The following AGO2 variants were observed in gnomAD, a reference collection of about 807,000 sequenced individuals.
AGO2 encodes the protein protein argonaute-2.
A neutral mutation model predicts 102.3 loss-of-function variants in AGO2; 5 were observed. The ratio of observed to expected loss-of-function variants is 0.05; its 90% CI spans 0.03 to 0.10. The LOEUF (loss-of-function observed/expected upper bound fraction) is 0.10. Ranked by LOEUF, AGO2 falls within the 10% of genes least tolerant of loss-of-function variation. AGO2 has a pLI of 1.00. For synonymous variants in AGO2, 449 were observed against 473.1 expected, an observed-to-expected ratio of 0.95 and a Z score of 0.66; for missense variants, 541 against 1,183.7, an observed-to-expected ratio of 0.46 and a Z score of 7.97.
chr8:140,578,487 C>T (rs752715777), intron 2 of AGO2, among the ~76,000 whole-genome samples: 13 of 152,200 alleles, frequency 8.5e-5, no homozygotes, highest in Non-Finnish European at 1.8e-4. Context: ...ACCCTGCTCG[C>T]GGAGTCCCTG....
chr8:140,541,721 G>T (rs532629982), intron 14 of AGO2, among the ~76,000 whole-genome samples: 3 of 152,240 alleles, frequency 2.0e-5, no homozygotes, highest in African/African-American at 7.2e-5. Flanking sequence ...TGGCCAACAT[G>T]GTAAAACCCT....
intron 3 of AGO2, among the ~76,000 whole-genome samples, chr8:140,565,654 A>AG (rs2073272491): frequency 9.5e-6 from 1 of 105,354 alleles, no homozygotes; most frequent in Non-Finnish European, 2.1e-5. Flanking sequence ...AAAAAAAAAA[A>AG]GAAGAAGAAG....
upstream of AGO2, among the ~76,000 whole-genome samples, chr8:140,638,819 C>T (rs2074425417): frequency 6.6e-6 from 1 of 152,172 alleles, no homozygotes; most frequent in Non-Finnish European, 1.5e-5. Flanking sequence ...AAGTGATCCT[C>T]CCACCTTGGC....
At chr8:140,587,186 TG>T (rs1322866067) in intron 1 of AGO2, among the ~76,000 whole-genome samples, 2 of 152,190 alleles carry the variant, frequency 1.3e-5, no homozygotes, top group South Asian at 4.2e-4. Context: ...ACACCTGGCA[TG>T]GGAGGCGGGA....
chr8:140,553,608 C>T (rs575555380), intron 10 of AGO2, among the ~76,000 whole-genome samples: 1 of 151,814 alleles, frequency 6.6e-6, no homozygotes, highest in South Asian at 2.1e-4. Flanking sequence ...GGGATTTCTC[C>T]ATGTTGGTCA....
chr8:140,618,024 C>T (rs2074163803), intron 1 of AGO2, among the ~76,000 whole-genome samples: 1 of 150,916 alleles, frequency 6.6e-6, no homozygotes, highest in Non-Finnish European at 1.5e-5. Context: ...AAAAGTTGGG[C>T]CAGGCATGGT....
chr8:140,640,787 A>G, the AGO2 span, among the ~76,000 whole-genome samples: 38 of 151,966 alleles, frequency 2.5e-4, no homozygotes, highest in African/African-American at 6.8e-4. Context: ...CCAAAGTGCT[A>G]GGATTACAGG....
At chr8:140,605,483 C>A (rs4961275) in intron 1 of AGO2, among the ~76,000 whole-genome samples, 1 of 152,176 alleles carries the variant, frequency 6.6e-6, no homozygotes, top group Non-Finnish European at 1.5e-5. Context: ...CTGGGCTGAA[C>A]ACAGACGGGG....
At chr8:140,594,673 G>A (rs2073796620) in intron 1 of AGO2, among the ~76,000 whole-genome samples, 1 of 152,136 alleles carries the variant, frequency 6.6e-6, no homozygotes, top group African/African-American at 2.4e-5. Flanking sequence ...CAGTCATGGT[G>A]GCATGCCTCT....
chr8:140,534,097 C>T (rs899926819), intron 17 of AGO2, among the ~76,000 whole-genome samples: 12 of 152,322 alleles, frequency 7.9e-5, no homozygotes, highest in Non-Finnish European at 1.8e-4. Flanking sequence ...TGGTGGGCAG[C>T]GGAACGTTCG....
chr8:140,625,451 T>A (rs1385107922), intron 1 of AGO2, among the ~76,000 whole-genome samples: 1 of 152,132 alleles, frequency 6.6e-6, no homozygotes, highest in African/African-American at 2.4e-5. Context: ...ACCAGGCAAC[T>A]CGCCCCTCCC....
rs567647149 is a variant in AGO2 at position 140,560,158 on chromosome 8, A to C, written c.655+216T>G. ...CCTCAGCCCCTGACCACAGCCTCTG[A>C]GGGTGCGACCATCTCGTGGCTTCAC... is the stretch of plus-strand genomic sequence containing the variant. On this transcript the variant is annotated intron_variant, in intron 5 of 18. Coordinates refer to ENST00000220592, the MANE Select transcript of AGO2 (RefSeq NM_012154.5). Among the ~76,000 whole-genome samples the C allele has an allele frequency of 2.0e-5, 3 of 152,348 alleles. No homozygotes were observed. The East Asian group carries it at 5.8e-4, about 29-fold the overall frequency.
At chr8:140,615,052 G>C (rs1044065515) in intron 1 of AGO2, among the ~76,000 whole-genome samples, 2 of 152,158 alleles carry the variant, frequency 1.3e-5, no homozygotes, top group Non-Finnish European at 2.9e-5. Flanking sequence ...TATGAGTCCT[G>C]ATTTGCCAAA....
Position 140,547,512 on chromosome 8 carries a change from G to A in AGO2, c.1704C>T (p.Asn568=), listed in dbSNP as rs1351490968. ...QTLSNLCLKI[N]VKLGGVNNIL... ...TGTTGTTCACGCCTCCCAGCTTGAC[G>A]TTGATCTTCAGGCAGAGGTTGGACA... Residue 568 remains asparagine, a synonymous_variant, in exon 13 of 19, where the codon AAC becomes AAT. Coordinates refer to ENST00000220592, the MANE Select transcript of AGO2 (RefSeq NM_012154.5). 1.9e-5 allele frequency: 31 copies of A among 1,614,044 alleles called. No homozygotes were observed. The highest frequency in any genetic ancestry group is 2.4e-5 in the Non-Finnish European group (28 of 1,180,010).
intron 1 of AGO2, among the ~76,000 whole-genome samples, chr8:140,622,190 A>G (rs2074226053): frequency 6.6e-6 from 1 of 152,234 alleles, no homozygotes; most frequent in Admixed American, 6.5e-5. Flanking sequence ...AGGTCAATCC[A>G]GTGAGACGGA....
chr8:140,523,904 A>G lies in AGO2; in HGVS notation c.*8140T>C, dbSNP rs2072457343. Reference sequence around the variant, plus strand: ...GAAGAACTTCCTAGGTATTTAAGAAATAAGTACATGGGATTACTTCCCCAC... The same window carrying G: ...GAAGAACTTCCTAGGTATTTAAGAAGTAAGTACATGGGATTACTTCCCCAC... On this transcript the variant is annotated 3_prime_UTR_variant, in exon 19 of 19. Coordinates refer to ENST00000220592, the MANE Select transcript of AGO2 (RefSeq NM_012154.5). 1 of 152,208 alleles carries G rather than the reference A, an allele frequency of 6.6e-6. No individual in the cohort carries two copies. Among genetic ancestry groups the G allele is most frequent in the South Asian group, 2.1e-4 (1 of 4,828 alleles). The allele number at this position is 152,208 out of a possible 1,614,324, so 9.4% of individuals were successfully genotyped here.
At chr8:140,551,254 C>T (rs1220771275) in intron 11 of AGO2, 49 bp downstream of exon 11, 1 of 1,446,436 alleles carries the variant, frequency 6.9e-7, no homozygotes, top group Non-Finnish European at 9.2e-7. Context: ...CTTGAGCTGC[C>T]CATCGGGCAG....
At chr8:140,556,871 G>A (rs1379238273) in intron 8 of AGO2, among the ~76,000 whole-genome samples, 11 of 152,202 alleles carry the variant, frequency 7.2e-5, no homozygotes, top group African/African-American at 2.7e-4. Context: ...CCTCAGGCAA[G>A]GTTCACACCA....
intron 2 of AGO2, among the ~76,000 whole-genome samples, chr8:140,577,207 CAAAAAAA>C (rs10661844): frequency 1.1e-4 from 8 of 70,744 alleles, no homozygotes; most frequent in East Asian, 4.2e-4. Context: ...GACTCCATCT[CAAAAAAA>C]AAAAAAAAAA....
Sources: gnomAD v4.1 joint callset for allele counts (sites outside exome capture counted in the v4.1 genomes callset) on GRCh38, gnomAD v4.1.1 for gene constraint, MANE v1.5 for transcripts, NCBI Gene and HGNC (gene_info 2026-07-23, HGNC 2026-07-21) for gene names.